The following FGF13 variants were observed in gnomAD, a reference collection of about 807,000 sequenced individuals.
FGF13 encodes the protein fibroblast growth factor 13, also known as fibroblast growth factor homologous factor 2.
FGF13 carries 2 observed loss-of-function variants against 19.5 expected under a neutral mutation model. That is an observed-to-expected ratio of 0.10 (90% CI 0.04 to 0.32). The LOEUF (loss-of-function observed/expected upper bound fraction) is 0.32, where lower values mean the gene tolerates loss of function less well. Among genes scored for constraint, FGF13 ranks in the 10% least tolerant of loss-of-function variants. The pLI, the probability that FGF13 is intolerant of heterozygous loss-of-function variation, is 1.00. For synonymous variants in FGF13, 72 were observed against 76.9 expected, an observed-to-expected ratio of 0.94 and a Z score of 0.33; for missense variants, 113 against 192.7, an observed-to-expected ratio of 0.59 and a Z score of 2.45.
chrX:138,801,841 G>A (rs1035106219), intron 3 of FGF13, among the ~76,000 whole-genome samples: 1 of 112,240 alleles, frequency 8.9e-6, no homozygotes, highest in Non-Finnish European at 1.9e-5. Context: ...ACTGTGGTGC[G>A]TTCCACCCAG....
chrX:138,953,512 C>T (rs1247675045), intron 1 of FGF13, among the ~76,000 whole-genome samples: 1 of 110,954 alleles, frequency 9.0e-6, no homozygotes, highest in African/African-American at 3.3e-5. Context: ...ATACCACTGG[C>T]ACATGTATAC....
chrX:139,174,073 G>C lies in FGF13; in HGVS notation c.-113+29343C>G, dbSNP rs1340822904. Among the ~76,000 whole-genome samples the C allele has an allele frequency of 2.7e-5, 3 of 112,000 alleles. No homozygotes were observed. The Admixed American group carries it at 2.8e-4, about 11-fold the overall frequency. ...TCCTCTGCAGCATCTGTTGTTTCCT[G>C]ACTTTTTAATGATTGCCATTCTAAC... On this transcript the variant is annotated intron_variant, in intron 1 of 2. Coordinates refer to the FGF13 transcript ENST00000421460.
chrX:138,982,130 T>C (rs1195944365), intron 1 of FGF13, among the ~76,000 whole-genome samples: 1 of 111,046 alleles, frequency 9.0e-6, no homozygotes, highest in Admixed American at 9.6e-5. Flanking sequence ...TGGGAGAAGG[T>C]CGTTAAGGTC....
At chrX:139,135,907 A>C (rs903648255) in intron 1 of FGF13, among the ~76,000 whole-genome samples, 8 of 111,883 alleles carry the variant, frequency 7.2e-5, no homozygotes, top group Admixed American at 1.9e-4. Context: ...CAAAATTTCA[A>C]AATAAAATTA....
chrX:138,984,636 G>A (rs867777784), intron 1 of FGF13, among the ~76,000 whole-genome samples: 1 of 79,088 alleles, frequency 1.3e-5, no homozygotes, highest in East Asian at 4.4e-4. Flanking sequence ...GGAGGAGGAG[G>A]AGGAGGAGAA....
intron 1 of FGF13, among the ~76,000 whole-genome samples, chrX:139,056,522 G>A (rs1410663511): frequency 8.9e-6 from 1 of 112,351 alleles, no homozygotes; most frequent in African/African-American, 3.2e-5. Flanking sequence ...TTTTGAAAAC[G>A]GCTGAATGTA....
intron 1 of FGF13, among the ~76,000 whole-genome samples, chrX:139,014,888 C>T (rs1032318914): frequency 1.8e-5 from 2 of 111,310 alleles, no homozygotes; most frequent in Non-Finnish European, 3.8e-5. Flanking sequence ...TGGGATTTAT[C>T]TCAGGCATGC....
At chrX:138,770,484 C>T (rs1344541597) in intron 3 of FGF13, among the ~76,000 whole-genome samples, 1 of 111,124 alleles carries the variant, frequency 9.0e-6, no homozygotes, top group Non-Finnish European at 1.9e-5. Context: ...CCCATTCTTT[C>T]ATTTACATCC....
rs181264881 is a variant in FGF13, at chrX:138,799,704, T to C, written c.217+57808A>G. ...TATTGTGTGGGAGTCTAAGTCTCTG[T>C]AGGTCTCTAAGAACTTGTTTTATGA... On this transcript the variant is annotated intron_variant, in intron 3 of 6. Coordinates refer to the FGF13 transcript ENST00000436198. 1.8e-3 allele frequency among the ~76,000 whole-genome samples: 205 copies of C among 111,425 alleles called. 2 individuals carry two copies. The highest frequency in any genetic ancestry group is 6.6e-3 in the African/African-American group (201 of 30,632).
intron 1 of FGF13, among the ~76,000 whole-genome samples, chrX:138,875,671 G>A (rs1487488448): frequency 1.8e-5 from 2 of 111,072 alleles, no homozygotes; most frequent in African/African-American, 6.6e-5. Flanking sequence ...ATCAGTTGAA[G>A]GCCTGAATAG....
intron 1 of FGF13, among the ~76,000 whole-genome samples, chrX:139,121,403 T>C (rs751893023): frequency 9.0e-6 from 1 of 110,813 alleles, no homozygotes; most frequent in Admixed American, 9.6e-5. Flanking sequence ...TCATGTTTAA[T>C]GGTACCAAAT....
chrX:139,028,652 A>T (rs34969476), intron 1 of FGF13, among the ~76,000 whole-genome samples: 288 of 10,133 alleles, frequency 0.028, 1 homozygote, highest in East Asian at 0.046. Context: ...TGTGTGTGTG[A>T]GAGAGAGAGA....
chrX:138,770,377 A>G (rs775200788), intron 3 of FGF13, among the ~76,000 whole-genome samples: 2 of 110,430 alleles, frequency 1.8e-5, no homozygotes, highest in East Asian at 5.8e-4. Context: ...CAAGCAGGGC[A>G]CTCAATTTCA....
chrX:138,654,962 G>T (rs1466181952), intron 3 of FGF13, among the ~76,000 whole-genome samples: 2 of 111,282 alleles, frequency 1.8e-5, no homozygotes, highest in African/African-American at 6.5e-5. Flanking sequence ...CTCTGCAAGT[G>T]CTTTTCCACT....
intron 1 of FGF13, among the ~76,000 whole-genome samples, chrX:139,040,922 G>C: frequency 9.1e-6 from 1 of 110,332 alleles, no homozygotes; most frequent in Non-Finnish European, 1.9e-5. Context: ...GGATGAAGTT[G>C]CAAGCCATTA....
At chrX:139,036,217 A>G (rs1044287396) in intron 1 of FGF13, among the ~76,000 whole-genome samples, 2 of 111,549 alleles carry the variant, frequency 1.8e-5, no homozygotes, top group Non-Finnish European at 3.8e-5. Context: ...GTTATAATCT[A>G]CTTTAAAAAT....
rs2088998772 is a variant in FGF13, at chrX:138,619,624, G to GGA, written c.*13225_*13226insTC. 1 of 104,052 alleles carries GGA rather than the reference G, an allele frequency of 9.6e-6. No homozygotes were observed. Among genetic ancestry groups the GGA allele is most frequent in the Non-Finnish European group, 2.0e-5 (1 of 50,422 alleles). 8.6% of individuals were successfully genotyped at this position (104,052 alleles called of 1,213,427 possible). ...ACAAGGAATTTAAGCAAATATACAA[G>GGA]AAAAAAAAAACCGCATCAAAAAGTG... On this transcript the variant is annotated 3_prime_UTR_variant, in exon 5 of 5. Transcript: ENST00000315930.
At chrX:138,869,586 T>G (rs1158333649) in intron 1 of FGF13, among the ~76,000 whole-genome samples, 1 of 112,097 alleles carries the variant, frequency 8.9e-6, no homozygotes, top group African/African-American at 3.2e-5. Context: ...CCCAACATTG[T>G]ATTCATCAAT....
chrX:139,198,544 T>C (rs759442146), intron 1 of FGF13, among the ~76,000 whole-genome samples: 1 of 112,077 alleles, frequency 8.9e-6, no homozygotes, highest in South Asian at 3.7e-4. Context: ...TGAAAATCAA[T>C]GCTAAAAGTA....
Sources: allele counts gnomAD v4.1 joint callset (sites outside exome capture counted in the v4.1 genomes callset), GRCh38; gene constraint gnomAD v4.1.1; transcripts MANE v1.5; gene names NCBI Gene and HGNC (gene_info 2026-07-23, HGNC 2026-07-21).